RPN2: variants seen among roughly 807,000 people sequenced by gnomAD.
RPN2 encodes the protein ribophorin II.
A neutral mutation model predicts 71.4 loss-of-function variants in RPN2; 29 were observed. The ratio of observed to expected loss-of-function variants is 0.41; its 90% confidence interval spans 0.30 to 0.55. The LOEUF (loss-of-function observed/expected upper bound fraction) is 0.55. Ranked by LOEUF, RPN2 falls within the 20% of genes least tolerant of loss-of-function variation. The pLI is 0.35. For synonymous variants in RPN2, 308 were observed against 305.0 expected (o/e 1.01, Z -0.10); for missense variants, 726 against 774.1 (o/e 0.94, Z 0.74).
At chr20:37,233,065 A>G (rs545582731) in intron 14 of RPN2, among the ~76,000 whole-genome samples, 1 of 152,134 alleles carries the variant, frequency 6.6e-6, no homozygotes, top group African/African-American at 2.4e-5. Flanking sequence ...AAATCAGAAA[A>G]TTAGAAAAAA....
At chr20:37,214,015 T>C in intron 9 of RPN2, 150 bp downstream of exon 9, 1 of 708,632 alleles carries the variant, frequency 1.4e-6, no homozygotes, top group South Asian at 1.5e-5. Context: ...CAGTCTTTGC[T>C]GTTTGACAGA....
At chr20:37,194,655 A>G (rs1173700982) in intron 2 of RPN2, among the ~76,000 whole-genome samples, 1 of 152,260 alleles carries the variant, frequency 6.6e-6, no homozygotes, top group Non-Finnish European at 1.5e-5. Context: ...ATGGAGAGAC[A>G]GGGTGTACAA....
intron 1 of RPN2, 73 bp downstream of exon 1, chr20:37,179,442 G>C: frequency 2.8e-6 from 4 of 1,448,006 alleles, no homozygotes; most frequent in Non-Finnish European, 3.7e-6. Flanking sequence ...CTCGAGAGCC[G>C]GCCAGGCGGG....
intron 8 of RPN2, among the ~76,000 whole-genome samples, chr20:37,211,110 CT>C: frequency 6.6e-6 from 1 of 151,762 alleles, no homozygotes; most frequent in East Asian, 2.0e-4. Context: ...TCTCGGCTCA[CT>C]GCAACCTCCA....
Position 37,234,010 on chromosome 20 carries a change from C to T in RPN2, c.1678-10C>T, listed in dbSNP as rs1281984587. 4 of 1,614,050 alleles carry T rather than the reference C, an allele frequency of 2.5e-6. No homozygotes were observed. The highest frequency in any genetic ancestry group is 1.7e-5 in the Admixed American group (1 of 60,028). ...AATGCCTTTTTAATTTATTTCTCCC[C>T]ATCATTCAGTGGATCCGGATTGGTG... On this transcript the variant is annotated splice_polypyrimidine_tract_variant and intron_variant, in intron 14 of 16. Coordinates refer to ENST00000237530, the MANE Select transcript of RPN2 (RefSeq NM_002951.5).
At chr20:37,189,580 A>G (rs1385426394) in intron 2 of RPN2, among the ~76,000 whole-genome samples, 2 of 152,196 alleles carry the variant, frequency 1.3e-5, no homozygotes, top group Non-Finnish European at 2.9e-5. Flanking sequence ...GTGTGACTCT[A>G]TTAAAGATAC....
At chr20:37,183,671 T>C (rs1013169986) in intron 1 of RPN2, among the ~76,000 whole-genome samples, 2 of 152,176 alleles carry the variant, frequency 1.3e-5, no homozygotes, top group Admixed American at 6.5e-5. Context: ...TACATTATTG[T>C]ACTGGGGAAC....
intron 9 of RPN2, among the ~76,000 whole-genome samples, chr20:37,220,974 A>G (rs935318190): frequency 3.9e-5 from 6 of 152,156 alleles, no homozygotes; most frequent in African/African-American, 1.4e-4. Context: ...ACCAAGAATG[A>G]TGCAAGTTCA....
rs764259078 is a variant in RPN2 at position 37,234,005 on chromosome 20, C to T, written c.1678-15C>T. 6.2e-7 allele frequency: 1 copy of T among 1,613,846 alleles called. No individual in the cohort carries two copies. Among genetic ancestry groups the T allele is most frequent in the East Asian group, 2.2e-5 (1 of 44,874 alleles). On this transcript the variant is annotated splice_polypyrimidine_tract_variant and intron_variant, in intron 14 of 16. Transcript: ENST00000237530. Reference sequence around the variant, plus strand: ...GTTCTAATGCCTTTTTAATTTATTTCTCCCCATCATTCAGTGGATCCGGAT... The same window carrying T: ...GTTCTAATGCCTTTTTAATTTATTTTTCCCCATCATTCAGTGGATCCGGAT...
intron 1 of RPN2, among the ~76,000 whole-genome samples, chr20:37,181,440 T>C (rs967429231): frequency 6.7e-6 from 1 of 150,182 alleles, no homozygotes; most frequent in African/African-American, 2.4e-5. Flanking sequence ...TCTTTTTTTT[T>C]TTTTTTTTTG....
chr20:37,196,801 G>A (rs2067266461), intron 2 of RPN2, among the ~76,000 whole-genome samples: 1 of 152,218 alleles, frequency 6.6e-6, no homozygotes, highest in African/African-American at 2.4e-5. Context: ...GAGGAGAGTC[G>A]TAGTAGCGGG....
intron 2 of RPN2, among the ~76,000 whole-genome samples, chr20:37,188,935 C>A (rs1488104439): frequency 6.6e-6 from 1 of 151,472 alleles, no homozygotes; most frequent in Non-Finnish European, 1.5e-5. Flanking sequence ...CAATTGATGT[C>A]TTTTTTTGTT....
rs368309538 is a variant in RPN2 at position 37,221,546 on chromosome 20, T to G, written c.1093-2332T>G. 8.5e-5 allele frequency among the ~76,000 whole-genome samples: 13 copies of G among 152,318 alleles called. No individual in the cohort carries two copies. The East Asian group carries it at 2.5e-3, about 29-fold the overall frequency. On this transcript the variant is annotated intron_variant, in intron 9 of 16. Coordinates refer to ENST00000237530, the MANE Select transcript of RPN2 (RefSeq NM_002951.5). The stretch of plus-strand genomic sequence containing the variant: ...CATAGTAATTAATAATATGCATGTA[T>G]CTTTCTTTATTTAGCTAGTCTTCTG...
chr20:37,212,682 T>C (rs1259969051), intron 8 of RPN2, among the ~76,000 whole-genome samples: 1 of 152,086 alleles, frequency 6.6e-6, no homozygotes, highest in East Asian at 1.9e-4. Flanking sequence ...GGTTTCACCA[T>C]GTTGGCCAGG....
intron 15 of RPN2, 105 bp downstream of exon 15, chr20:37,234,200 T>A: frequency 1.9e-6 from 2 of 1,077,050 alleles, no homozygotes; most frequent in Non-Finnish European, 2.8e-6. Flanking sequence ...TATAATGACT[T>A]AATAGCATTA....
rs1315648723 is a variant in RPN2, at chr20:37,228,620, A to G, written c.1370A>G (p.Asn457Ser). The change falls in exon 12 of 17, where the codon AAC (asparagine) becomes AGC (serine). Residue 457 changes from asparagine (N) to serine (S), a missense_variant. By Grantham distance (46) the Asn-to-Ser change is conservative. Transcript: ENST00000237530. ...TTTGTTGCCGAGCCAGACAACAAGA[A>G]CGTGTACAAGTTTGAACTGGATACC... ...VVFVAEPDNK[N>S]VYKFELDTSE... The G allele has an allele frequency of 1.4e-5, 23 of 1,614,256 alleles. No homozygotes were observed. Among genetic ancestry groups the G allele is most frequent in the Non-Finnish European group, 1.7e-5 (20 of 1,180,038 alleles).
intron 4 of RPN2, among the ~76,000 whole-genome samples, chr20:37,201,727 G>A (rs1325428807): frequency 1.3e-5 from 2 of 152,090 alleles, no homozygotes; most frequent in Non-Finnish European, 2.9e-5. Flanking sequence ...CCAACTGGTA[G>A]GTTGCCTTAT....
At chr20:37,209,469 A>AT (rs60329533) in intron 7 of RPN2, among the ~76,000 whole-genome samples, 112,691 of 146,260 alleles carry the variant, frequency 0.77, 43,617 homozygotes, top group Middle Eastern at 0.89. Context: ...TAGCTGAGAC[A>AT]TTTTTTTTTT....
intron 6 of RPN2, among the ~76,000 whole-genome samples, chr20:37,206,717 A>ATT (rs1038663376): frequency 1.3e-5 from 2 of 151,104 alleles, no homozygotes; most frequent in Non-Finnish European, 3.0e-5. Context: ...CATTATTATG[A>ATT]TTTTTTTTTC....
Sources: gnomAD v4.1 joint callset for allele counts (sites outside exome capture counted in the v4.1 genomes callset) on GRCh38, gnomAD v4.1.1 for gene constraint, MANE v1.5 for transcripts, NCBI Gene and HGNC (gene_info 2026-07-23, HGNC 2026-07-21) for gene names.